TGM7: variants seen among roughly 807,000 people sequenced by gnomAD.
TGM7 encodes transglutaminase 7.
TGM7 carries 74 observed loss-of-function variants against 79.5 expected under a neutral mutation model. The ratio of observed to expected loss-of-function variants is 0.93; its 90% CI spans 0.77 to 1.13. TGM7 has a LOEUF of 1.13. Ranked by LOEUF, TGM7 falls within the 50% of genes most tolerant of loss-of-function variation. TGM7 has a pLI of 0.00. For missense variants in TGM7, 912 were observed against 905.9 expected (o/e 1.01, Z -0.09); for synonymous variants, 354 against 362.5 (o/e 0.98, Z 0.27).
At chr15:43,284,089 C>T (rs2142406770) in intron 7 of TGM7, among the ~76,000 whole-genome samples, 1 of 152,270 alleles carries the variant, frequency 6.6e-6, no homozygotes, top group Non-Finnish European at 1.5e-5. Context: ...GTCCCATCTA[C>T]TCGGGGGGCT....
Position 43,292,685 on chromosome 15 carries a change from A to T in TGM7, c.439+24T>A, listed in dbSNP as rs527714561. ...GCCTTCCCAATGGATCAGGTTAGCA[A>T]TACAAGCTGTGGGCACATCCTACCT... On this transcript the variant is annotated intron_variant, in intron 3 of 12. Coordinates refer to ENST00000452443, the MANE Select transcript of TGM7 (RefSeq NM_052955.3). 4 of 1,612,700 alleles carry T rather than the reference A, an allele frequency of 2.5e-6. No individual in the cohort carries two copies. The African/African-American group carries it at 4.0e-5, about 16-fold the overall frequency.
chr15:43,276,906 C>T lies in TGM7; in HGVS notation c.1929G>A (p.Met643Ile), dbSNP rs755397885. Residue 643 changes from methionine to isoleucine, a missense_variant, in exon 12 of 13, where the codon ATG becomes ATA. Coordinates refer to ENST00000452443, the MANE Select transcript of TGM7 (RefSeq NM_052955.3). ...TGATGAGGCCGCTTCCTTCCAGCAC[C>T]ATCGTGCAGCTGCTCAGAGCCACCA... ...TLMVALSSCT[M>I]VLEGSGLING... 6.2e-7 allele frequency: 1 copy of T among 1,614,186 alleles called. No homozygotes were observed. The highest frequency in any genetic ancestry group is 8.5e-7 in the Non-Finnish European group (1 of 1,180,044).
At position 43,291,527 on chromosome 15, in the gene TGM7, A is replaced by T. The variant is rs1896173; in HGVS notation, c.558+452T>A. On this transcript the variant is annotated intron_variant, in intron 4 of 12. Coordinates refer to ENST00000452443, the MANE Select transcript of TGM7 (RefSeq NM_052955.3). ...AATTTGAATTTCATATAATTTTCACATCACAAAATATTATTCTTTTACAAT... is the reference window on the plus strand; with the variant it reads ...AATTTGAATTTCATATAATTTTCACTTCACAAAATATTATTCTTTTACAAT... Among the ~76,000 whole-genome samples, 1,130 of 152,366 alleles carry T rather than the reference A, an allele frequency of 7.4e-3. 8 individuals are homozygous for T. The highest frequency in any genetic ancestry group is 0.015 in the South Asian group (73 of 4,832).
intron 1 of TGM7, among the ~76,000 whole-genome samples, chr15:43,300,798 C>T (rs910257562): frequency 1.3e-5 from 2 of 152,182 alleles, no homozygotes. Flanking sequence ...GAGCAAGACT[C>T]CGTCTCAAAA....
intron 2 of TGM7, 130 bp from the exon 3 acceptor site, chr15:43,293,084 T>A (rs372510306): frequency 1.5e-6 from 2 of 1,325,574 alleles, no homozygotes; most frequent in South Asian, 2.8e-5. Flanking sequence ...TGCCACCGAG[T>A]GTCCTCAGGC....
Position 43,287,304 on chromosome 15 carries a change from C to A in TGM7, c.841G>T (p.Val281Phe). 1.2e-6 allele frequency: 2 copies of A among 1,613,704 alleles called. No individual in the cohort carries two copies. Among genetic ancestry groups the A allele is most frequent in the South Asian group, 2.2e-5 (2 of 91,048 alleles). ...GQPVKYGQCW[V>F]FASVMCTVMR... ...CCGGTGCACATAACAGAGGCGAAGA[C>A]CCAGCACTGTCCGTACTTCACAGGC... Residue 281 changes from valine (V) to phenylalanine (F), a missense_variant, in exon 6 of 13, where the codon GTC becomes TTC. Transcript: ENST00000452443.
At chr15:43,279,485 G>C in intron 10 of TGM7, 140 bp downstream of exon 10, 8 of 1,229,634 alleles carry the variant, frequency 6.5e-6, no homozygotes, top group Non-Finnish European at 9.0e-6. Flanking sequence ...AGGTGCAGCA[G>C]CTGGCAGCTT....
At chr15:43,296,354 G>A (rs1181168739) in intron 1 of TGM7, among the ~76,000 whole-genome samples, 1 of 151,430 alleles carries the variant, frequency 6.6e-6, no homozygotes, top group Non-Finnish European at 1.5e-5. Flanking sequence ...GAACCCGGGA[G>A]GCAGAGGTTG....
chr15:43,298,339 G>A (rs571011747), intron 1 of TGM7, among the ~76,000 whole-genome samples: 48 of 152,370 alleles, frequency 3.2e-4, no homozygotes, highest in Admixed American at 2.2e-3. Context: ...GCCAGGATGA[G>A]GAGGGGCTCG....
intron 1 of TGM7, among the ~76,000 whole-genome samples, chr15:43,295,240 G>C (rs999403981): frequency 3.3e-5 from 5 of 152,196 alleles, no homozygotes; most frequent in African/African-American, 1.2e-4. Flanking sequence ...AGCCTAAGTT[G>C]GTGGCCAGTT....
chr15:43,297,226 C>T (rs576944815), intron 1 of TGM7, among the ~76,000 whole-genome samples: 1 of 152,168 alleles, frequency 6.6e-6, no homozygotes, highest in South Asian at 2.1e-4. Context: ...GAGGCCGAGG[C>T]GGGTGGATCA....
At chr15:43,298,689 G>A (rs2043012160) in intron 1 of TGM7, among the ~76,000 whole-genome samples, 1 of 152,026 alleles carries the variant, frequency 6.6e-6, no homozygotes, top group Non-Finnish European at 1.5e-5. Flanking sequence ...GGAGGCGGAG[G>A]TTGCAGTGAG....
At chr15:43,292,366 A>G (rs1318054208) in intron 3 of TGM7, among the ~76,000 whole-genome samples, 1 of 152,206 alleles carries the variant, frequency 6.6e-6, no homozygotes, top group African/African-American at 2.4e-5. Context: ...AGAGATTCAG[A>G]AAATACAGAT....
intron 1 of TGM7, among the ~76,000 whole-genome samples, chr15:43,298,566 A>G (rs2043011463): frequency 6.6e-6 from 1 of 152,170 alleles, no homozygotes; most frequent in African/African-American, 2.4e-5. Flanking sequence ...CATCCTGGCC[A>G]ATATGTTGAA....
At chr15:43,297,059 G>C (rs2042999417) in intron 1 of TGM7, among the ~76,000 whole-genome samples, 1 of 152,092 alleles carries the variant, frequency 6.6e-6, no homozygotes, top group South Asian at 2.1e-4. Flanking sequence ...AGTAAGAGGA[G>C]AGTTAAGCCC....
intron 6 of TGM7, among the ~76,000 whole-genome samples, chr15:43,286,591 T>C (rs1439291679): frequency 2.0e-5 from 3 of 152,116 alleles, no homozygotes; most frequent in African/African-American, 7.2e-5. Flanking sequence ...TCCTCCCCAT[T>C]CTCTGCTCCT....
chr15:43,287,728 T>C lies in TGM7; in HGVS notation c.559-59A>G, dbSNP rs924016909. On this transcript the variant is annotated intron_variant, in intron 4 of 12. Coordinates refer to ENST00000452443, the MANE Select transcript of TGM7 (RefSeq NM_052955.3). The stretch of plus-strand genomic sequence containing the variant: ...GAGCAAATGTCTAGACTTCTGAAAC[T>C]TTAAGTCACTAACAGACTTTTGGGG... The C allele has an allele frequency of 1.0e-5, 16 of 1,560,742 alleles. No individual in the cohort carries two copies. The African/African-American group carries it at 2.1e-4, about 20-fold the overall frequency.
At chr15:43,301,449 G>A (rs916378907) in intron 1 of TGM7, among the ~76,000 whole-genome samples, 3 of 151,490 alleles carry the variant, frequency 2.0e-5, no homozygotes, top group Non-Finnish European at 4.4e-5. Context: ...GGCCAACATG[G>A]CGAAACCCCA....
rs369585501 is a variant in TGM7, at chr15:43,279,226, G to C, written c.1730C>G (p.Thr577Arg). ...LPYSNYRNKL[T>R]DEKLIRVSGI... ...AGACACGCGGATGAGCTTTTCGTCC[G>C]TTAGCTTGTTTCTGTAATTGCTGTA... Residue 577 changes from threonine (T) to arginine (R), a missense_variant, in exon 11 of 13, where the codon ACG becomes AGG. Transcript: ENST00000452443. The C allele has an allele frequency of 1.2e-6, 2 of 1,614,024 alleles. No homozygotes were observed. The highest frequency in any genetic ancestry group is 1.7e-6 in the Non-Finnish European group (2 of 1,179,984).
Sources: allele counts gnomAD v4.1 joint callset (sites outside exome capture counted in the v4.1 genomes callset), GRCh38; gene constraint gnomAD v4.1.1; transcripts MANE v1.5; gene names NCBI Gene and HGNC (gene_info 2026-07-23, HGNC 2026-07-21).